Variants in TEPSIN observed in about 807,000 individuals in gnomAD.
TEPSIN encodes the protein TEPSIN adaptor related protein complex 4 accessory protein, also known as AP-4 complex accessory subunit tepsin.
In TEPSIN, 50 loss-of-function variants were observed where a neutral mutation model predicts 48.5. The ratio of observed to expected loss-of-function variants is 1.03; its 90% confidence interval spans 0.82 to 1.31. The LOEUF is 1.31. Ranked by LOEUF, TEPSIN falls within the 50% of genes most tolerant of loss-of-function variation. The pLI, the probability that TEPSIN is intolerant of heterozygous loss-of-function variation, is 0.00. For synonymous variants in TEPSIN, 392 were observed against 358.8 expected (o/e 1.09, Z -1.05); for missense variants, 838 against 815.9 (o/e 1.03, Z -0.33).
Position 81,231,483 on chromosome 17 carries a change from A to G in TEPSIN, c.1020-7T>C. The G allele has an allele frequency of 6.4e-7, 1 of 1,569,276 alleles. No homozygotes were observed. The highest frequency in any genetic ancestry group is 8.6e-7 in the Non-Finnish European group (1 of 1,156,964). On this transcript the variant is annotated splice_polypyrimidine_tract_variant and splice_region_variant and intron_variant, in intron 10 of 12. Coordinates refer to ENST00000637944, the MANE Select transcript of TEPSIN (RefSeq NM_001363764.2). ...ACAGTTGAGCAGTCCACACCTGCACAGAGGGGACACCTGGGTGGCGGGTGC... is the reference window on the plus strand; with the variant it reads ...ACAGTTGAGCAGTCCACACCTGCACGGAGGGGACACCTGGGTGGCGGGTGC...
intron 12 of TEPSIN, chr17:81,229,914 G>A (rs1011989263): frequency 5.0e-5 from 10 of 200,798 alleles, no homozygotes; most frequent in Non-Finnish European, 9.1e-5. Flanking sequence ...CTCACTCGTC[G>A]CTCTGACTGA....
intron 4 of TEPSIN, 104 bp downstream of exon 4, chr17:81,236,604 G>A (rs2062724909): frequency 1.7e-6 from 2 of 1,209,978 alleles, no homozygotes; most frequent in Non-Finnish European, 2.3e-6. Flanking sequence ...CGGCCCAGGT[G>A]AGGGCTCTGG....
rs775162410 is a variant in TEPSIN, at chr17:81,229,359, G to A, written c.1351C>T (p.Pro451Ser). Residue 451 changes from proline (P) to serine (S), a missense_variant, in exon 13 of 13, where the codon CCT becomes TCT. Coordinates refer to ENST00000637944, the MANE Select transcript of TEPSIN (RefSeq NM_001363764.2). The stretch of plus-strand genomic sequence containing the variant: ...AGGAAGACCTGGCTCCCAGGGAGAG[G>A]CACAGCGTCGGTCAGCAGGTCAGAT... The part of the protein sequence containing the change: ...GPSDLLTDAV[P>S]LPGSQVFLQP... The A allele has an allele frequency of 1.3e-6, 2 of 1,561,452 alleles. No homozygotes were observed. Among genetic ancestry groups the A allele is most frequent in the East Asian group, 2.4e-5 (1 of 42,254 alleles).
chr17:81,237,105 G>A (rs2062737356), intron 2 of TEPSIN, 34 bp from the exon 3 acceptor site: 2 of 1,551,218 alleles, frequency 1.3e-6, no homozygotes, highest in Admixed American at 1.9e-5. Context: ...AGGGCGAGAT[G>A]ATGAGGGCTG....
chr17:81,237,543 C>T lies in TEPSIN; in HGVS notation c.49-84G>A, dbSNP rs1394029238. On this transcript the variant is annotated intron_variant, in intron 1 of 12. Coordinates refer to ENST00000637944, the MANE Select transcript of TEPSIN (RefSeq NM_001363764.2). ...CGCAGCCCCCCAAAGGGGATGGAAA[C>T]GACCCACCTCTCACTGTTGACATGG... is the stretch of plus-strand genomic sequence containing the variant. 22 of 1,354,912 alleles carry T rather than the reference C, an allele frequency of 1.6e-5. No individual in the cohort carries two copies. The South Asian group carries it at 2.0e-4, about 12-fold the overall frequency. The allele number at this position is 1,354,912 out of a possible 1,614,324, so 83.9% of individuals were successfully genotyped here.
At chr17:81,232,131 G>C (rs150221822) in intron 8 of TEPSIN, 110 bp from the exon 9 acceptor site, 2 of 1,399,572 alleles carry the variant, frequency 1.4e-6, no homozygotes, top group Non-Finnish European at 9.5e-7. Flanking sequence ...CTGAGCTGAG[G>C]ATGGGTGGCC....
chr17:81,233,873 G>C lies in TEPSIN; in HGVS notation c.375+108C>G. 7.2e-7 allele frequency: 1 copy of C among 1,383,514 alleles called. No homozygotes were observed. 85.7% of individuals were successfully genotyped at this position (1,383,514 alleles called of 1,614,324 possible). ...TCCACCAGCAAGGAGCAGAGGCAGG[G>C]GTCCCGGATGGGAGAACTGCAAACC... On this transcript the variant is annotated intron_variant, in intron 5 of 12. Coordinates refer to ENST00000637944, the MANE Select transcript of TEPSIN (RefSeq NM_001363764.2). This position sits in a 1 kb window ranked among gnomAD's most constrained non-coding sequence, Gnocchi z 5.8.
chr17:81,236,481 G>A (rs1030485757), intron 4 of TEPSIN, among the ~76,000 whole-genome samples: 43 of 152,338 alleles, frequency 2.8e-4, no homozygotes, highest in African/African-American at 9.9e-4. Flanking sequence ...AGCGGAGGGA[G>A]GGGGCAGGGC....
chr17:81,236,051 G>C (rs149250378), intron 4 of TEPSIN, among the ~76,000 whole-genome samples: 2 of 152,158 alleles, frequency 1.3e-5, no homozygotes, highest in Non-Finnish European at 2.9e-5. Flanking sequence ...CAGACATGGT[G>C]CGCCCAGTGA....
intron 4 of TEPSIN, 185 bp downstream of exon 4, chr17:81,236,523 G>C: frequency 1.5e-6 from 1 of 672,052 alleles, no homozygotes; most frequent in East Asian, 2.7e-5. Context: ...GCCAGCTGGG[G>C]TGAGGGTGGG....
chr17:81,234,346 C>A lies in TEPSIN; in HGVS notation c.308-298G>T. 6.6e-6 allele frequency: 2 copies of A among 302,262 alleles called. No homozygotes were observed. The highest frequency in any genetic ancestry group is 5.1e-5 in the Admixed American group (1 of 19,580). 18.7% of individuals were successfully genotyped at this position (302,262 alleles called of 1,614,324 possible). A position where few individuals can be genotyped will look rare whatever the true frequency, so the allele number is the denominator to read the frequency against. ...GGGTGTGGCCTCCCCGAAGCCCACT[C>A]TCCCTGCCCCAGGTGCACCAGGGAC... On this transcript the variant is annotated intron_variant, in intron 4 of 12. Transcript: ENST00000637944. This position sits in a 1 kb window ranked among gnomAD's most constrained non-coding sequence, Gnocchi z 5.4.
Position 81,228,589 on chromosome 17 carries a change from G to C in TEPSIN, c.*339C>G, listed in dbSNP as rs959561294. On this transcript the variant is annotated 3_prime_UTR_variant, in exon 13 of 13. Coordinates refer to ENST00000637944, the MANE Select transcript of TEPSIN (RefSeq NM_001363764.2). ...TGCTGCTCATGACCTCCTGGGGAAG[G>C]AGGGAGCTGAGATCAAAATGAAATA... is the stretch of plus-strand genomic sequence containing the variant. The C allele has an allele frequency of 5.5e-6, 2 of 361,172 alleles. No homozygotes were observed. The highest frequency in any genetic ancestry group is 1.0e-5 in the Non-Finnish European group (2 of 198,530). The allele number at this position is 361,172 out of a possible 1,614,324, so 22.4% of individuals were successfully genotyped here.
chr17:81,231,507 G>A (rs1343379641), intron 10 of TEPSIN, 31 bp from the exon 11 acceptor site: 5 of 1,566,140 alleles, frequency 3.2e-6, no homozygotes, highest in African/African-American at 2.7e-5. Context: ...GGTGGCGGGT[G>A]CGGCCCGTTC....
chr17:81,231,028 T>G (rs532916580), intron 11 of TEPSIN: 1 of 466,324 alleles, frequency 2.1e-6, no homozygotes, highest in African/African-American at 2.3e-5. Context: ...CCTTCATTCC[T>G]CCGCACGCCC....
chr17:81,231,792 G>C, intron 9 of TEPSIN, 55 bp downstream of exon 9: 1 of 1,606,806 alleles, frequency 6.2e-7, no homozygotes, highest in Non-Finnish European at 8.5e-7. Flanking sequence ...CGCTGGGAGG[G>C]GGACAGTGTG....
Position 81,234,469 on chromosome 17 carries a change from C to G in TEPSIN, c.308-421G>C, listed in dbSNP as rs113670453. Among the ~76,000 whole-genome samples the G allele has an allele frequency of 4.6e-5, 7 of 152,222 alleles. 1 individual carries two copies. Among genetic ancestry groups the G allele is most frequent in the African/African-American group, 1.7e-4 (7 of 41,532 alleles). On this transcript the variant is annotated intron_variant, in intron 4 of 12. Coordinates refer to ENST00000637944, the MANE Select transcript of TEPSIN (RefSeq NM_001363764.2). This position sits in a 1 kb window ranked among gnomAD's most constrained non-coding sequence, Gnocchi z 5.4. ...CACCCAACCCCAGTCTCAGCCGCCT[C>G]GAGCTCCCCTGCTCTGAGAGTTCCT...
At position 81,231,535 on chromosome 17, in the gene TEPSIN, G is replaced by A. The variant is rs201450044; in HGVS notation, c.1019+43C>T. On this transcript the variant is annotated intron_variant, in intron 10 of 12. Coordinates refer to ENST00000637944, the MANE Select transcript of TEPSIN (RefSeq NM_001363764.2). The stretch of plus-strand genomic sequence containing the variant: ...GCCCGTTCCCTCCTCCCTCGCCCAC[G>A]GTTGGGGCTGAGGCAGAGCAGGGCG... 164 of 1,593,374 alleles carry A rather than the reference G, an allele frequency of 1.0e-4. No homozygotes were observed. In the East Asian group the frequency reaches 3.2e-3, roughly 31 times the overall value.
At chr17:81,238,819 G>A in intron 1 of TEPSIN, 167 bp downstream of exon 1, 1 of 1,332,488 alleles carries the variant, frequency 7.5e-7, no homozygotes, top group Non-Finnish European at 9.6e-7. Flanking sequence ...CCCCGGGACG[G>A]CGCGGCGGGC....
Position 81,230,787 on chromosome 17 carries a change from G to A in TEPSIN, c.1099-109C>T, listed in dbSNP as rs2062579793. ...TTCTTCCTCCTCATCAATGACTGGA[G>A]TGCCAGGAGGCCCCAGAGACAGCTC... is the stretch of plus-strand genomic sequence containing the variant. On this transcript the variant is annotated intron_variant, in intron 11 of 12. Transcript: ENST00000637944. This position sits in a 1 kb window ranked among gnomAD's most constrained non-coding sequence, Gnocchi z 4.2. The A allele has an allele frequency of 7.3e-7, 1 of 1,367,106 alleles. No homozygotes were observed. Among genetic ancestry groups the A allele is most frequent in the Non-Finnish European group, 9.6e-7 (1 of 1,038,166 alleles). The allele number at this position is 1,367,106 out of a possible 1,614,324, so 84.7% of individuals were successfully genotyped here.
Sources: gnomAD v4.1 joint callset for allele counts (sites outside exome capture counted in the v4.1 genomes callset) on GRCh38, gnomAD v4.1.1 for gene constraint, Gnocchi (gnomAD v3.1) non-coding constraint, MANE v1.5 for transcripts, NCBI Gene and HGNC (gene_info 2026-07-23, HGNC 2026-07-21) for gene names.